Variants in MALRD1 observed in about 807,000 individuals in gnomAD.
MALRD1 encodes the protein MAM and LDL receptor class A domain containing 1, also known as MAM and LDL-receptor class A domain-containing protein 1.
In MALRD1, 247 loss-of-function variants were observed where a neutral mutation model predicts 242.1. The ratio of observed to expected loss-of-function variants is 1.02; its 90% CI spans 0.92 to 1.13. The LOEUF (loss-of-function observed/expected upper bound fraction) is 1.13, where lower values mean the gene tolerates loss of function less well. Ranked by LOEUF, MALRD1 falls within the 50% of genes most tolerant of loss-of-function variation. The pLI is 0.00. For synonymous variants in MALRD1, 995 were observed against 866.6 expected (o/e 1.15, Z -2.60); for missense variants, 2,989 against 2,533.1 (o/e 1.18, Z -3.86).
chr10:19,408,601 T>G (rs1833136446), intron 28 of MALRD1, among the ~76,000 whole-genome samples: 1 of 151,926 alleles, frequency 6.6e-6, no homozygotes, highest in African/African-American at 2.4e-5. Flanking sequence ...AATTAGAAAA[T>G]GGGCAAAAGA....
intron 36 of MALRD1, among the ~76,000 whole-genome samples, chr10:19,660,167 A>G (rs11010972): frequency 0.067 from 10,177 of 152,214 alleles, 472 homozygotes; most frequent in African/African-American, 0.12. Flanking sequence ...ACTTGTGACT[A>G]AAGTCTGGTT....
At chr10:19,369,822 A>G (rs575641342) in intron 26 of MALRD1, among the ~76,000 whole-genome samples, 1 of 151,988 alleles carries the variant, frequency 6.6e-6, no homozygotes, top group African/African-American at 2.4e-5. Context: ...CAGTATCATT[A>G]TATATATTAC....
At chr10:19,375,329 G>A (rs976430051) in intron 26 of MALRD1, among the ~76,000 whole-genome samples, 3 of 152,130 alleles carry the variant, frequency 2.0e-5, no homozygotes, top group Non-Finnish European at 1.5e-5. Context: ...TGCAAAGTTA[G>A]ACAGCTAATG....
intron 5 of MALRD1, 134 bp from the exon 6 acceptor site, chr10:19,123,357 TA>T: frequency 2.5e-6 from 1 of 397,578 alleles, no homozygotes; most frequent in Non-Finnish European, 4.4e-6. Context: ...TAGGGTTACC[TA>T]AAGGGTGATG....
chr10:19,697,901 C>T (rs549976343), intron 38 of MALRD1, among the ~76,000 whole-genome samples: 2 of 152,226 alleles, frequency 1.3e-5, no homozygotes, highest in African/African-American at 4.8e-5. Context: ...GTATTTTCTT[C>T]CAGTAACTTA....
intron 26 of MALRD1, among the ~76,000 whole-genome samples, chr10:19,371,086 C>T (rs553538343): frequency 5.6e-4 from 56 of 100,158 alleles, no homozygotes; most frequent in East Asian, 2.4e-3. Context: ...CCTCTCTCTA[C>T]GAAATTAAAA....
chr10:19,175,427 A>C, intron 14 of MALRD1, 99 bp downstream of exon 14: 9 of 828,732 alleles, frequency 1.1e-5, no homozygotes, highest in Non-Finnish European at 1.4e-5. Context: ...TACCTAATAC[A>C]GGGTGTGGAT....
intron 2 of MALRD1, among the ~76,000 whole-genome samples, chr10:19,075,603 T>C (rs530627904): frequency 5.9e-5 from 9 of 152,154 alleles, no homozygotes; most frequent in African/African-American, 9.6e-5. Flanking sequence ...CTGTGTGGAA[T>C]TGAATTCTTA....
chr10:19,127,983 G>T (rs1019101386), intron 7 of MALRD1, among the ~76,000 whole-genome samples: 1 of 152,022 alleles, frequency 6.6e-6, no homozygotes, highest in Non-Finnish European at 1.5e-5. Flanking sequence ...TTACAAAAGG[G>T]TGTTATCAAA....
At chr10:19,216,954 A>T (rs560660478) in intron 18 of MALRD1, among the ~76,000 whole-genome samples, 2,824 of 123,620 alleles carry the variant, frequency 0.023, 235 homozygotes, top group Admixed American at 0.17. Context: ...TCAAAAAAAA[A>T]AAAATAAAAA....
At chr10:19,173,478 A>T (rs1835096121) in intron 13 of MALRD1, among the ~76,000 whole-genome samples, 1 of 152,062 alleles carries the variant, frequency 6.6e-6, no homozygotes, top group South Asian at 2.1e-4. Flanking sequence ...AAATTAACTC[A>T]ATTTTTATAG....
intron 20 of MALRD1, 71 bp from the exon 21 acceptor site, chr10:19,282,948 G>A: frequency 9.4e-7 from 1 of 1,059,996 alleles, no homozygotes. Context: ...GTAAGAAAGT[G>A]CTGATTAAGA....
intron 24 of MALRD1, among the ~76,000 whole-genome samples, chr10:19,343,769 C>T (rs1293729682): frequency 6.6e-6 from 1 of 152,112 alleles, no homozygotes; most frequent in African/African-American, 2.4e-5. Flanking sequence ...TGCATCGTGT[C>T]ACACTACCAC....
intron 32 of MALRD1, among the ~76,000 whole-genome samples, chr10:19,549,326 G>T (rs540564806): frequency 5.9e-5 from 9 of 152,314 alleles, no homozygotes; most frequent in African/African-American, 2.2e-4. Flanking sequence ...TTTGAAAGAA[G>T]TTCTACTGTG....
chr10:19,296,539 G>A (rs1841710908), intron 21 of MALRD1, among the ~76,000 whole-genome samples: 1 of 151,942 alleles, frequency 6.6e-6, no homozygotes, highest in Admixed American at 6.6e-5. Context: ...AATATTTTCT[G>A]GAGGTTTTAT....
At chr10:19,238,400 T>A (rs187155392) in intron 18 of MALRD1, among the ~76,000 whole-genome samples, 1 of 73,208 alleles carries the variant, frequency 1.4e-5, no homozygotes, top group African/African-American at 6.0e-5. Flanking sequence ...ATATGTTATA[T>A]ATTATGTATA....
intron 1 of MALRD1, among the ~76,000 whole-genome samples, chr10:19,051,221 C>T (rs1044610261): frequency 1.3e-5 from 2 of 151,844 alleles, no homozygotes; most frequent in Non-Finnish European, 2.9e-5. Context: ...CTCATGGAAA[C>T]TTGTGATGGC....
At position 19,204,418 on chromosome 10, in the gene MALRD1, A is replaced by T; in HGVS notation, c.2210+5A>T. 6.5e-7 allele frequency: 1 copy of T among 1,529,884 alleles called. No homozygotes were observed. Among genetic ancestry groups the T allele is most frequent in the Non-Finnish European group, 8.8e-7 (1 of 1,132,148 alleles). The allele number at this position is 1,529,884 out of a possible 1,614,324, so 94.8% of individuals were successfully genotyped here. The stretch of plus-strand genomic sequence containing the variant: ...TGGATGCATACTTTCCTTCTGGTAA[A>T]TATTAAACAAATATTTAAACAATAT... On this transcript the variant is annotated splice_donor_5th_base_variant and intron_variant, in intron 16 of 39. Transcript: ENST00000454679.
At chr10:19,534,273 C>T (rs140954088) in intron 32 of MALRD1, among the ~76,000 whole-genome samples, 19 of 152,282 alleles carry the variant, frequency 1.2e-4, no homozygotes, top group Non-Finnish European at 5.9e-5. Context: ...ATTTTCTCAA[C>T]TATTGCTGTG....
Sources: allele counts gnomAD v4.1 joint callset (sites outside exome capture counted in the v4.1 genomes callset), GRCh38; gene constraint gnomAD v4.1.1; transcripts MANE v1.5; gene names NCBI Gene and HGNC (gene_info 2026-07-23, HGNC 2026-07-21).